Variants in STXBP5L observed in about 807,000 individuals in gnomAD.
STXBP5L encodes syntaxin binding protein 5L, also known as syntaxin-binding protein 5-like.
In STXBP5L, 65 loss-of-function variants were observed where a neutral mutation model predicts 144.5. The observed-to-expected ratio is 0.45, with a 90% confidence interval of 0.37 to 0.55. The LOEUF is 0.55. STXBP5L is among the 20% of genes least tolerant of loss of function. STXBP5L has a pLI of 0.00. For synonymous variants in STXBP5L, 505 were observed against 469.6 expected (o/e 1.08, Z -0.97); for missense variants, 1,298 against 1,405.5 (o/e 0.92, Z 1.22).
At chr3:120,981,376 C>G (rs1292520880) in intron 3 of STXBP5L, among the ~76,000 whole-genome samples, 1 of 152,056 alleles carries the variant, frequency 6.6e-6, no homozygotes, top group Non-Finnish European at 1.5e-5. Context: ...TTCTCAAAGG[C>G]TCTGCTCATT....
intron 18 of STXBP5L, among the ~76,000 whole-genome samples, chr3:121,263,155 A>G (rs1210669473): frequency 1.3e-5 from 2 of 152,214 alleles, no homozygotes; most frequent in Non-Finnish European, 2.9e-5. Context: ...TGCTGCCTCC[A>G]CTAGTGATAC....
intron 12 of STXBP5L, among the ~76,000 whole-genome samples, chr3:121,234,107 A>G (rs1463316448): frequency 6.6e-6 from 1 of 152,130 alleles, no homozygotes; most frequent in Non-Finnish European, 1.5e-5. Context: ...GCCTTCTTTT[A>G]CTTTTATTCC....
At chr3:121,357,683 T>C (rs2045571330) in intron 20 of STXBP5L, 1 of 152,242 alleles carries the variant, frequency 6.6e-6, no homozygotes, top group Non-Finnish European at 1.5e-5. Flanking sequence ...ATATCATTTG[T>C]CTTGGAGAAT....
chr3:121,190,603 G>T (rs2047606008), intron 9 of STXBP5L, among the ~76,000 whole-genome samples: 1 of 151,632 alleles, frequency 6.6e-6, no homozygotes, highest in African/African-American at 2.4e-5. Flanking sequence ...CCGGGCACAG[G>T]GGCTCCTCAC....
intron 2 of STXBP5L, among the ~76,000 whole-genome samples, chr3:120,947,887 C>T (rs1490595023): frequency 6.6e-6 from 1 of 151,674 alleles, no homozygotes; most frequent in Non-Finnish European, 1.5e-5. Context: ...TTCTTTTTGG[C>T]TGCTATGAAT....
rs566998046 is a variant in STXBP5L, at chr3:121,365,342, T to C, written c.2177-13374T>C. ...AAGTTTACAAGGACTGATATTATTCTTCTTTAAAGATTTGGCAGAATACAC... is the reference window on the plus strand; with the variant it reads ...AAGTTTACAAGGACTGATATTATTCCTCTTTAAAGATTTGGCAGAATACAC... On this transcript the variant is annotated intron_variant, in intron 20 of 26. Coordinates refer to ENST00000471454, the MANE Select transcript of STXBP5L (RefSeq NM_001308330.2). Among the ~76,000 whole-genome samples the C allele has an allele frequency of 5.3e-5, 8 of 152,014 alleles. No homozygotes were observed. In the South Asian group the frequency reaches 1.7e-3, roughly 32 times the overall value.
intron 7 of STXBP5L, among the ~76,000 whole-genome samples, chr3:121,130,786 C>A (rs988306368): frequency 2.0e-5 from 3 of 152,068 alleles, no homozygotes; most frequent in African/African-American, 7.2e-5. Flanking sequence ...AATGTTAAAA[C>A]TCTTCATTAA....
intron 20 of STXBP5L, among the ~76,000 whole-genome samples, chr3:121,359,531 C>G (rs942098397): frequency 6.6e-6 from 1 of 151,980 alleles, no homozygotes; most frequent in South Asian, 2.1e-4. Flanking sequence ...TTGCCCAGAC[C>G]AATGTCCTAG....
At chr3:121,321,924 G>A (rs2043983802) in intron 20 of STXBP5L, among the ~76,000 whole-genome samples, 1 of 152,226 alleles carries the variant, frequency 6.6e-6, no homozygotes, top group East Asian at 1.9e-4. Flanking sequence ...ATGAAGCCAA[G>A]GTTTGAGATA....
intron 3 of STXBP5L, among the ~76,000 whole-genome samples, chr3:120,965,565 A>T (rs1370851571): frequency 6.6e-6 from 1 of 152,116 alleles, no homozygotes; most frequent in Non-Finnish European, 1.5e-5. Flanking sequence ...GATATTCTCC[A>T]TTGAAAATTC....
Position 121,421,725 on chromosome 3 carries a change from C to G in STXBP5L, c.*2628C>G, listed in dbSNP as rs978661726. On this transcript the variant is annotated 3_prime_UTR_variant, in exon 27 of 27. Transcript: ENST00000471454. ...CAACTACAGAATATTTTAAGGCACACAGAGAAAATATCAAAAAGGACATTA... is the reference window on the plus strand; with the variant it reads ...CAACTACAGAATATTTTAAGGCACAGAGAGAAAATATCAAAAAGGACATTA... 2.0e-5 allele frequency: 3 copies of G among 152,068 alleles called. No homozygotes were observed. The highest frequency in any genetic ancestry group is 4.4e-5 in the Non-Finnish European group (3 of 67,998). 9.4% of individuals were successfully genotyped at this position (152,068 alleles called of 1,614,324 possible). A position where few individuals can be genotyped will look rare whatever the true frequency, so the allele number is the denominator to read the frequency against.
intron 22 of STXBP5L, among the ~76,000 whole-genome samples, chr3:121,389,374 C>T (rs2046516644): frequency 6.6e-6 from 1 of 152,110 alleles, no homozygotes; most frequent in Non-Finnish European, 1.5e-5. Flanking sequence ...TTTTTTGTGT[C>T]TCTGTCTCTT....
At chr3:121,065,962 A>G (rs555102782) in intron 5 of STXBP5L, among the ~76,000 whole-genome samples, 73 of 152,180 alleles carry the variant, frequency 4.8e-4, no homozygotes, top group Non-Finnish European at 9.8e-4. Context: ...CCTCTCAATA[A>G]GCCAGCTCAC....
At chr3:121,098,787 A>G (rs2043265152) in intron 5 of STXBP5L, among the ~76,000 whole-genome samples, 1 of 152,186 alleles carries the variant, frequency 6.6e-6, no homozygotes, top group South Asian at 2.1e-4. Context: ...ATTGTTCCCT[A>G]CAAGGAATCC....
chr3:121,316,057 A>T (rs2043777452), intron 19 of STXBP5L, among the ~76,000 whole-genome samples: 1 of 151,966 alleles, frequency 6.6e-6, no homozygotes, highest in Non-Finnish European at 1.5e-5. Flanking sequence ...GTATTTTTTA[A>T]TCCTCTCCAT....
At chr3:120,975,930 G>A (rs1205721483) in intron 3 of STXBP5L, among the ~76,000 whole-genome samples, 1 of 152,118 alleles carries the variant, frequency 6.6e-6, no homozygotes, top group African/African-American at 2.4e-5. Flanking sequence ...TTGATGTGCT[G>A]CTGGATTCTG....
chr3:121,245,216 T>A (rs534005299), intron 14 of STXBP5L, among the ~76,000 whole-genome samples: 2 of 151,894 alleles, frequency 1.3e-5, no homozygotes, highest in East Asian at 3.9e-4. Flanking sequence ...TTGTATGTAG[T>A]TAAAGTTGTT....
In STXBP5L at chr3:121,419,839, T is replaced by G. The variant is rs1213421366; in HGVS notation, c.*742T>G. The G allele has an allele frequency of 6.6e-6, 1 of 152,210 alleles. No individual in the cohort carries two copies. Among genetic ancestry groups the G allele is most frequent in the Non-Finnish European group, 1.5e-5 (1 of 68,046 alleles). The allele number at this position is 152,210 out of a possible 1,614,324, so 9.4% of individuals were successfully genotyped here. On this transcript the variant is annotated 3_prime_UTR_variant, in exon 27 of 27. Coordinates refer to ENST00000471454, the MANE Select transcript of STXBP5L (RefSeq NM_001308330.2). ...CTATCACCTTCAGAATGGGTTGCTG[T>G]TTTTAGCACAAACCATGCAGGGTTG...
chr3:121,045,949 C>G (rs965530503), intron 5 of STXBP5L, among the ~76,000 whole-genome samples: 1 of 152,038 alleles, frequency 6.6e-6, no homozygotes, highest in South Asian at 2.1e-4. Context: ...TTTTGGTTTT[C>G]AAGGGGAATG....
Sources: allele counts gnomAD v4.1 joint callset (sites outside exome capture counted in the v4.1 genomes callset), GRCh38; gene constraint gnomAD v4.1.1; transcripts MANE v1.5; gene names NCBI Gene and HGNC (gene_info 2026-07-23, HGNC 2026-07-21).